SLIT1: variants seen among roughly 807,000 people sequenced by gnomAD.
SLIT1 encodes the protein slit guidance ligand 1, also known as slit homolog 1 protein.
SLIT1 carries 66 observed loss-of-function variants against 186.1 expected under a neutral mutation model. The ratio of observed to expected loss-of-function variants is 0.35; its 90% CI spans 0.29 to 0.44. The LOEUF (loss-of-function observed/expected upper bound fraction) is 0.44, where lower values mean the gene tolerates loss of function less well. Ranked by LOEUF, SLIT1 falls within the 20% of genes least tolerant of loss-of-function variation. The probability of loss-of-function intolerance (pLI) is 1.00; values close to 1 mark genes in which losing one functional copy is unlikely to be tolerated. For synonymous variants in SLIT1, 761 were observed against 833.8 expected, an observed-to-expected ratio of 0.91 and a Z score of 1.50; for missense variants, 1,638 against 2,037.4, an observed-to-expected ratio of 0.80 and a Z score of 3.77.
chr10:97,180,333 T>C (rs867662071), intron 1 of SLIT1, among the ~76,000 whole-genome samples: 31 of 152,364 alleles, frequency 2.0e-4, no homozygotes, highest in African/African-American at 7.5e-4. Flanking sequence ...ATGACCACCC[T>C]TTGGAGCAGG....
intron 4 of SLIT1, among the ~76,000 whole-genome samples, chr10:97,127,938 A>C (rs765781525): frequency 6.6e-6 from 1 of 152,090 alleles, no homozygotes; most frequent in Non-Finnish European, 1.5e-5. Context: ...GGAGAGGTAG[A>C]AAACCCAGAG....
chr10:97,045,654 A>G lies in SLIT1; in HGVS notation c.1853+1000T>C, dbSNP rs556844817. On this transcript the variant is annotated intron_variant, in intron 18 of 36. Transcript: ENST00000266058. ...GAATACTAGGTAAGCATAAAGAAAAATGAGGCAGCCTATAGGAACAGCCTG... is the reference window on the plus strand; with the variant it reads ...GAATACTAGGTAAGCATAAAGAAAAGTGAGGCAGCCTATAGGAACAGCCTG... Among the ~76,000 whole-genome samples the G allele has an allele frequency of 3.9e-5, 6 of 152,360 alleles. No homozygotes were observed. In the East Asian group the frequency reaches 7.7e-4, roughly 20 times the overall value.
chr10:97,135,897 C>T (rs1375869844), intron 4 of SLIT1, among the ~76,000 whole-genome samples: 6 of 152,120 alleles, frequency 3.9e-5, no homozygotes, highest in Non-Finnish European at 7.4e-5. Context: ...GGAGCTGACA[C>T]ACTGTGCCCT....
rs377307737 is a variant in SLIT1 at position 97,048,930 on chromosome 10, G to A, written c.1465+25C>T. ...GGGCAGGCAGGTAGGTGGACAGGTG[G>A]GCAGGTGGGCAGGCGGGCAGGTACC... On this transcript the variant is annotated intron_variant, in intron 14 of 36. Transcript: ENST00000266058. The A allele has an allele frequency of 6.9e-6, 11 of 1,598,984 alleles. No individual in the cohort carries two copies. The African/African-American group carries it at 1.3e-4, about 19-fold the overall frequency.
At chr10:97,113,844 G>A (rs937253994) in intron 4 of SLIT1, among the ~76,000 whole-genome samples, 7 of 152,136 alleles carry the variant, frequency 4.6e-5, no homozygotes, top group African/African-American at 9.7e-5. Flanking sequence ...GCGTGAGCCC[G>A]GCCTCTTTTA....
intron 4 of SLIT1, among the ~76,000 whole-genome samples, chr10:97,119,943 A>ATATATATG (rs1298104412): frequency 2.2e-5 from 3 of 135,424 alleles, no homozygotes; most frequent in Non-Finnish European, 4.8e-5. Context: ...ATATATATAT[A>ATATATATG]TATGTATATG....
intron 4 of SLIT1, among the ~76,000 whole-genome samples, chr10:97,129,128 G>A (rs780196565): frequency 2.0e-5 from 3 of 152,080 alleles, no homozygotes; most frequent in Non-Finnish European, 2.9e-5. Context: ...ATGGCCGGGT[G>A]CGGTGGCTCA....
At chr10:97,175,110 T>C (rs1317727571) in intron 1 of SLIT1, among the ~76,000 whole-genome samples, 2 of 152,246 alleles carry the variant, frequency 1.3e-5, no homozygotes, top group Non-Finnish European at 2.9e-5. Context: ...ATGTGACTCC[T>C]CTGGGTAACT....
chr10:97,037,080 GTGTGTGTGTGTGTGTGTGTA>G (rs1445567532), intron 22 of SLIT1, among the ~76,000 whole-genome samples: 3 of 150,352 alleles, frequency 2.0e-5, no homozygotes, highest in Non-Finnish European at 4.4e-5. Flanking sequence ...GTGTGTGTGT[GTGTGTGTGTGTGTGTGTGTA>G]TGTGTGTGTG....
chr10:97,075,624 C>T lies in SLIT1; in HGVS notation c.414-9538G>A, dbSNP rs111603584. Among the ~76,000 whole-genome samples the T allele has an allele frequency of 9.6e-3, 1,466 of 152,318 alleles. 21 individuals are homozygous for T. Among genetic ancestry groups the T allele is most frequent in the African/African-American group, 0.028 (1,184 of 41,566 alleles). On this transcript the variant is annotated intron_variant, in intron 4 of 36. Coordinates refer to ENST00000266058, the MANE Select transcript of SLIT1 (RefSeq NM_003061.3). The stretch of plus-strand genomic sequence containing the variant: ...GGTGCCAGCACGGGGCAGCCTCACA[C>T]GACTGTTATCAATAAGTGGCTGCCC...
chr10:97,036,677 GA>G (rs1426718063), intron 22 of SLIT1, among the ~76,000 whole-genome samples: 26 of 152,206 alleles, frequency 1.7e-4, no homozygotes, highest in African/African-American at 6.3e-4. Context: ...TGGGCCCGTA[GA>G]TTGCACTTGG....
rs1301147944 is a variant in SLIT1, at chr10:97,022,700, A to C, written c.2583-1287T>G. 6.6e-6 allele frequency among the ~76,000 whole-genome samples: 1 copy of C among 152,206 alleles called. No individual in the cohort carries two copies. Among genetic ancestry groups the C allele is most frequent in the Non-Finnish European group, 1.5e-5 (1 of 68,044 alleles). On this transcript the variant is annotated intron_variant, in intron 25 of 36. Coordinates refer to ENST00000266058, the MANE Select transcript of SLIT1 (RefSeq NM_003061.3). This position sits in a 1 kb window ranked among gnomAD's most constrained non-coding sequence, Gnocchi z 4.2. The stretch of plus-strand genomic sequence containing the variant: ...TTCATCAATGGGGAGTGGTTATATA[A>C]ATTGTGATACATTCACATTACGAAA...
chr10:97,040,634 G>A (rs1460164388), intron 20 of SLIT1, among the ~76,000 whole-genome samples: 18 of 152,202 alleles, frequency 1.2e-4, no homozygotes, highest in Admixed American at 1.2e-3. Flanking sequence ...ACAAGTGGAT[G>A]AATTTCCATT....
At chr10:97,173,261 G>C (rs1279886487) in intron 1 of SLIT1, among the ~76,000 whole-genome samples, 1 of 152,196 alleles carries the variant, frequency 6.6e-6, no homozygotes, top group Non-Finnish European at 1.5e-5. Flanking sequence ...GGTGGAACGG[G>C]GCAGGTCCCT....
chr10:97,155,630 G>C (rs1012572215), intron 4 of SLIT1, among the ~76,000 whole-genome samples: 7 of 152,190 alleles, frequency 4.6e-5, no homozygotes, highest in African/African-American at 1.7e-4. Context: ...CCCAGAGCTT[G>C]ACGGCAACTG....
intron 4 of SLIT1, among the ~76,000 whole-genome samples, chr10:97,138,590 C>G (rs988878828): frequency 6.6e-6 from 1 of 152,158 alleles, no homozygotes; most frequent in African/African-American, 2.4e-5. Flanking sequence ...TAAGGATCTG[C>G]TCAAAATTAT....
At chr10:97,014,330 G>C (rs1186647065) in intron 28 of SLIT1, among the ~76,000 whole-genome samples, 172 bp from the exon 29 acceptor site, 1 of 152,222 alleles carries the variant, frequency 6.6e-6, no homozygotes, top group Non-Finnish European at 1.5e-5. Context: ...GCCCTCATGG[G>C]ATTCACTCAC....
intron 1 of SLIT1, among the ~76,000 whole-genome samples, chr10:97,179,800 T>TCG (rs1554855910): frequency 3.8e-4 from 48 of 126,456 alleles, no homozygotes; most frequent in Non-Finnish European, 6.7e-4. Flanking sequence ...CTCCACACCC[T>TCG]CCCCGCCCCC....
Position 97,127,086 on chromosome 10 carries a change from C to A in SLIT1, c.413+30732G>T, listed in dbSNP as rs867401786. Among the ~76,000 whole-genome samples, 39 of 151,724 alleles carry A rather than the reference C, an allele frequency of 2.6e-4. 1 individual carries two copies. The highest frequency in any genetic ancestry group is 3.4e-3 in the Middle Eastern group (1 of 294). ...CGGGTGGATCACAAGGGCAGGAGAT[C>A]GAGACCATCCTGGCTAACATGGTGA... On this transcript the variant is annotated intron_variant, in intron 4 of 36. Transcript: ENST00000266058.
Sources: allele counts gnomAD v4.1 joint callset (sites outside exome capture counted in the v4.1 genomes callset), GRCh38; gene constraint gnomAD v4.1.1; non-coding constraint Gnocchi (gnomAD v3.1); transcripts MANE v1.5; gene names NCBI Gene and HGNC (gene_info 2026-07-23, HGNC 2026-07-21).